The following SLC7A6 variants were observed in gnomAD, a reference collection of about 807,000 sequenced individuals.
SLC7A6 encodes solute carrier family 7 member 6.
A neutral mutation model predicts 46.6 loss-of-function variants in SLC7A6; 29 were observed. That is an observed-to-expected ratio of 0.62 (90% CI 0.46 to 0.85). SLC7A6 has a LOEUF of 0.85. Among genes scored for constraint, SLC7A6 ranks in the 40% least tolerant of loss-of-function variants. The pLI, the probability that SLC7A6 is intolerant of heterozygous loss-of-function variation, is 0.00. For synonymous variants in SLC7A6, 276 were observed against 257.3 expected (o/e 1.07, Z -0.70); for missense variants, 527 against 647.6 (o/e 0.81, Z 2.02).
intron 9 of SLC7A6, 41 bp from the exon 10 acceptor site, chr16:68,296,586 C>A: frequency 6.2e-7 from 1 of 1,613,600 alleles, no homozygotes; most frequent in South Asian, 1.1e-5. Context: ...GAGCTGTTTC[C>A]TCTTCCCACG....
At chr16:68,278,444 C>T (rs988460248) in intron 3 of SLC7A6, among the ~76,000 whole-genome samples, 7 of 151,526 alleles carry the variant, frequency 4.6e-5, no homozygotes, top group African/African-American at 1.5e-4. Context: ...GGCAGAGGAC[C>T]CTGCGGCCTT....
intron 3 of SLC7A6, among the ~76,000 whole-genome samples, chr16:68,276,767 G>A (rs1345719847): frequency 6.6e-6 from 1 of 152,144 alleles, no homozygotes; most frequent in African/African-American, 2.4e-5. Context: ...GGAGGCTGAG[G>A]TAGGAGGATT....
chr16:68,282,130 T>C (rs1264450298), intron 3 of SLC7A6, among the ~76,000 whole-genome samples: 1 of 152,242 alleles, frequency 6.6e-6, no homozygotes, highest in East Asian at 1.9e-4. Flanking sequence ...TTTTGGCTAG[T>C]TGCTATGGAC....
chr16:68,268,117 G>C (rs2042566623), intron 2 of SLC7A6, among the ~76,000 whole-genome samples: 1 of 152,218 alleles, frequency 6.6e-6, no homozygotes, highest in African/African-American at 2.4e-5. Flanking sequence ...TGAGTTCTGT[G>C]AGCCGCTCTA....
intron 3 of SLC7A6, chr16:68,284,104 T>G (rs957905866): frequency 1.3e-5 from 2 of 153,002 alleles, no homozygotes. Flanking sequence ...ACTCTCAGGT[T>G]CCGGCATGTG....
intron 3 of SLC7A6, among the ~76,000 whole-genome samples, chr16:68,285,619 C>T (rs2042914671): frequency 6.6e-6 from 1 of 152,186 alleles, no homozygotes; most frequent in Non-Finnish European, 1.5e-5. Flanking sequence ...GAGCCTGGCA[C>T]CTGCCACCTG....
Position 68,290,600 on chromosome 16 carries a change from C to T in SLC7A6, c.794+60C>T, listed in dbSNP as rs555378357. On this transcript the variant is annotated intron_variant, in intron 5 of 10. Coordinates refer to ENST00000219343, the MANE Select transcript of SLC7A6 (RefSeq NM_003983.6). ...GGCTGGAACTCCTGCTGATAGTGGGCGTGCCTGCCCTCATCCTTCTCCTCC... is the reference window on the plus strand; with the variant it reads ...GGCTGGAACTCCTGCTGATAGTGGGTGTGCCTGCCCTCATCCTTCTCCTCC... 5.3e-4 allele frequency: 845 copies of T among 1,589,110 alleles called. 7 individuals carry two copies. Among genetic ancestry groups the T allele is most frequent in the Middle Eastern group, 5.2e-3 (31 of 5,994 alleles).
rs1029687057 is a variant in SLC7A6 at position 68,298,845 on chromosome 16, G to A, written c.*1517G>A. 2 of 152,596 alleles carry A rather than the reference G, an allele frequency of 1.3e-5. No individual in the cohort carries two copies. Among genetic ancestry groups the A allele is most frequent in the Non-Finnish European group, 2.9e-5 (2 of 68,114 alleles). The allele number at this position is 152,596 out of a possible 1,614,324, so 9.5% of individuals were successfully genotyped here. On this transcript the variant is annotated 3_prime_UTR_variant, in exon 11 of 11. Transcript: ENST00000219343. ...GATGCCCCCAGACACTGTCATCCTG[G>A]GCCGAGAAGAACCTGCTAGCTTGAC...
intron 2 of SLC7A6, among the ~76,000 whole-genome samples, chr16:68,268,045 T>C (rs2042565506): frequency 6.6e-6 from 1 of 152,232 alleles, no homozygotes; most frequent in East Asian, 1.9e-4. Flanking sequence ...TGCAAACCTC[T>C]TCATCTGTAT....
intron 2 of SLC7A6, among the ~76,000 whole-genome samples, chr16:68,267,591 G>C (rs2042557215): frequency 6.6e-6 from 1 of 152,080 alleles, no homozygotes; most frequent in South Asian, 2.1e-4. Context: ...CCAGAGGGGG[G>C]AATAAAAAGA....
At position 68,296,446 on chromosome 16, in the gene SLC7A6, T is replaced by C. The variant is rs1159649675; in HGVS notation, c.1202T>C (p.Val401Ala). The C allele has an allele frequency of 1.2e-6, 2 of 1,614,158 alleles. No homozygotes were observed. The highest frequency in any genetic ancestry group is 1.7e-6 in the Non-Finnish European group (2 of 1,180,036). Reference sequence around the variant, plus strand: ...TTCAGCTTCAGCTACTGGTTCTTCGTGGGCCTGTCTGTTGTTGGACAGCTC... The same window carrying C: ...TTCAGCTTCAGCTACTGGTTCTTCGCGGGCCTGTCTGTTGTTGGACAGCTC... ...NYFSFSYWFFVGLSVVGQLYL... is the reference protein window; with the variant it reads ...NYFSFSYWFFAGLSVVGQLYL... The change falls in exon 9 of 11, where the codon GTG becomes GCG. Residue 401 changes from valine (V) to alanine (A), a missense_variant. Coordinates refer to ENST00000219343, the MANE Select transcript of SLC7A6 (RefSeq NM_003983.6).
chr16:68,270,603 A>T (rs1010376118), intron 2 of SLC7A6, among the ~76,000 whole-genome samples: 7 of 152,122 alleles, frequency 4.6e-5, no homozygotes, highest in African/African-American at 1.4e-4. Context: ...GGTAATTTTT[A>T]AAAAAATTTA....
intron 2 of SLC7A6, among the ~76,000 whole-genome samples, chr16:68,272,493 G>C (rs1238926837): frequency 6.6e-6 from 1 of 152,162 alleles, no homozygotes; most frequent in African/African-American, 2.4e-5. Context: ...AGTTTTGTGT[G>C]ATTCTGCTAC....
chr16:68,294,176 G>C (rs1232554175), intron 7 of SLC7A6, among the ~76,000 whole-genome samples: 1 of 152,128 alleles, frequency 6.6e-6, no homozygotes, highest in African/African-American at 2.4e-5. Context: ...TTATAGGCAT[G>C]AGCCACCATG....
At position 68,298,994 on chromosome 16, in the gene SLC7A6, A is replaced by G. The variant is rs1203458882; in HGVS notation, c.*1666A>G. 1 of 152,634 alleles carries G rather than the reference A, an allele frequency of 6.6e-6. No individual in the cohort carries two copies. The highest frequency in any genetic ancestry group is 1.9e-4 in the East Asian group (1 of 5,200). The allele number at this position is 152,634 out of a possible 1,614,324, so 9.5% of individuals were successfully genotyped here. ...AACCTTGGCCATATATTTGCTCAAT[A>G]AAGATTGAAGGAAGCATGGTCATAG... is the stretch of plus-strand genomic sequence containing the variant. On this transcript the variant is annotated 3_prime_UTR_variant, in exon 11 of 11. Transcript: ENST00000219343.
chr16:68,268,097 A>T (rs2042566405), intron 2 of SLC7A6, among the ~76,000 whole-genome samples: 1 of 152,204 alleles, frequency 6.6e-6, no homozygotes, highest in Non-Finnish European at 1.5e-5. Context: ...AAGGTAAGTA[A>T]GTGTTTCTCT....
intron 2 of SLC7A6, among the ~76,000 whole-genome samples, chr16:68,268,039 A>G (rs868568490): frequency 2.6e-5 from 4 of 152,196 alleles, no homozygotes; most frequent in South Asian, 2.1e-4. Flanking sequence ...TGGCTCTGCA[A>G]ACCTCTTCAT....
At chr16:68,291,762 G>GTTGT in intron 7 of SLC7A6, 101 bp downstream of exon 7, 1 of 545,992 alleles carries the variant, frequency 1.8e-6, no homozygotes, top group Non-Finnish European at 3.2e-6. Flanking sequence ...GGGCATATAG[G>GTTGT]GTGTGTGTGT....
At position 68,299,195 on chromosome 16, in the gene SLC7A6, C is replaced by A. The variant is rs2043226354; in HGVS notation, c.*1867C>A. 6.6e-6 allele frequency: 1 copy of A among 152,642 alleles called. No individual in the cohort carries two copies. Among genetic ancestry groups the A allele is most frequent in the Non-Finnish European group, 1.5e-5 (1 of 68,018 alleles). The allele number at this position is 152,642 out of a possible 1,614,324, so 9.5% of individuals were successfully genotyped here. A position where few individuals can be genotyped will look rare whatever the true frequency, so the allele number is the denominator to read the frequency against. ...TGTCTGAGCTAAGCTGGCACCCATC[C>A]CAGGGCTCCTCTGGAGCTAATCCTT... On this transcript the variant is annotated 3_prime_UTR_variant, in exon 11 of 11. Transcript: ENST00000219343.
Sources: gnomAD v4.1 joint callset for allele counts (sites outside exome capture counted in the v4.1 genomes callset) on GRCh38, gnomAD v4.1.1 for gene constraint, MANE v1.5 for transcripts, NCBI Gene and HGNC (gene_info 2026-07-23, HGNC 2026-07-21) for gene names.